Variants in MBOAT7 observed in about 807,000 individuals in gnomAD.
The protein encoded by MBOAT7 is membrane bound acylglycerophosphatidylinositol O-acyltransferase MBOAT7.
MBOAT7 carries 40 observed loss-of-function variants against 47.4 expected under a neutral mutation model. The ratio of observed to expected loss-of-function variants is 0.84; its 90% CI spans 0.66 to 1.10. The LOEUF is 1.10. MBOAT7 is among the 50% of genes least tolerant of loss of function. The pLI, the probability that MBOAT7 is intolerant of heterozygous loss-of-function variation, is 0.00. For synonymous variants in MBOAT7, 361 were observed against 292.0 expected, an observed-to-expected ratio of 1.24 and a Z score of -2.41; for missense variants, 680 against 655.6, an observed-to-expected ratio of 1.04 and a Z score of -0.41.
At position 54,183,698 on chromosome 19, in the gene MBOAT7, G is replaced by A. The variant is rs774016188; in HGVS notation, c.334-18C>T. On this transcript the variant is annotated intron_variant, in intron 4 of 7. Coordinates refer to ENST00000245615, the MANE Select transcript of MBOAT7 (RefSeq NM_024298.5). Reference sequence around the variant, plus strand: ...CTCACCAGCTGGGCAGAAGGGGGTGGGCAAGGGGCCAGGTCAGACTCTGGG... The same window carrying A: ...CTCACCAGCTGGGCAGAAGGGGGTGAGCAAGGGGCCAGGTCAGACTCTGGG... 5 of 1,530,576 alleles carry A rather than the reference G, an allele frequency of 3.3e-6. No individual in the cohort carries two copies. In the Admixed American group the frequency reaches 1.1e-4, roughly 33 times the overall value. The allele number at this position is 1,530,576 out of a possible 1,614,324, so 94.8% of individuals were successfully genotyped here.
At chr19:54,188,936 A>C in intron 1 of MBOAT7, among the ~76,000 whole-genome samples, 1 of 149,596 alleles carries the variant, frequency 6.7e-6, no homozygotes. Flanking sequence ...AGGAATCTAG[A>C]CCTCCGAGCC....
At chr19:54,188,619 G>A (rs935408921) in intron 1 of MBOAT7, 108 bp from the exon 2 acceptor site, 12 of 1,036,914 alleles carry the variant, frequency 1.2e-5, no homozygotes, top group South Asian at 1.6e-5. Flanking sequence ...AGTTTTTGAG[G>A]ATGATGGAGT....
At chr19:54,175,358 C>T (rs1449273447) in intron 7 of MBOAT7, among the ~76,000 whole-genome samples, 1 of 152,108 alleles carries the variant, frequency 6.6e-6, no homozygotes, top group Non-Finnish European at 1.5e-5. Flanking sequence ...AATCCTTGTC[C>T]CCACCCCTTT....
In MBOAT7 at chr19:54,180,419, C is replaced by T. The variant is rs117682711; in HGVS notation, c.854+354G>A. The T allele has an allele frequency of 8.2e-4, 179 of 217,150 alleles. 2 individuals carry two copies. In the East Asian group the frequency reaches 0.016, roughly 19 times the overall value. The allele number at this position is 217,150 out of a possible 1,614,324, so 13.5% of individuals were successfully genotyped here. A position where few individuals can be genotyped will look rare whatever the true frequency, so the allele number is the denominator to read the frequency against. On this transcript the variant is annotated intron_variant, in intron 6 of 7. Coordinates refer to ENST00000245615, the MANE Select transcript of MBOAT7 (RefSeq NM_024298.5). This position sits in a 1 kb window ranked among gnomAD's most constrained non-coding sequence, Gnocchi z 5.2. Reference sequence around the variant, plus strand: ...GCAACAGAGGGTGACCCACCACTAGCAAAGGATGGCATCCCCAGCAAGCAG... The same window carrying T: ...GCAACAGAGGGTGACCCACCACTAGTAAAGGATGGCATCCCCAGCAAGCAG...
chr19:54,183,599 T>TG lies in MBOAT7; in HGVS notation c.414dup (p.Thr139HisfsTer157). ...GGCACGTCGGGCAGCAGCCCCAGGG[T>TG]GGGCCCCTTGCTGAAGCCTGAGGCC... On this transcript the variant is annotated frameshift_variant, in exon 5 of 8. Transcript: ENST00000245615. LOFTEE classifies it high-confidence loss of function. The TG allele has an allele frequency of 6.2e-7, 1 of 1,608,274 alleles. No individual in the cohort carries two copies. Among genetic ancestry groups the TG allele is most frequent in the Non-Finnish European group, 8.5e-7 (1 of 1,177,532 alleles).
In MBOAT7 at chr19:54,178,839, G is replaced by A. The variant is rs1600643691; in HGVS notation, c.957C>T (p.Tyr319=). 6.2e-7 allele frequency: 1 copy of A among 1,613,692 alleles called. No homozygotes were observed. The highest frequency in any genetic ancestry group is 8.5e-7 in the Non-Finnish European group (1 of 1,180,022). ...FCVRVRDGMR[Y]WNMTVQWWLA... is the part of the protein sequence containing the mutation. ...GCCACCACTGCACCGTCATGTTCCA[G>A]TACCGCATGCCATCGCGCACCCGCA... Residue 319 remains tyrosine, a synonymous_variant, in exon 7 of 8, where the codon TAC becomes TAT. Coordinates refer to ENST00000245615, the MANE Select transcript of MBOAT7 (RefSeq NM_024298.5).
In MBOAT7 at chr19:54,175,290, C is replaced by T. The variant is rs118013750; in HGVS notation, c.1032-859G>A. On this transcript the variant is annotated intron_variant, in intron 7 of 7. Coordinates refer to ENST00000245615, the MANE Select transcript of MBOAT7 (RefSeq NM_024298.5). The stretch of plus-strand genomic sequence containing the variant: ...ACCACACCCGGGCAGCCCGGTGGTT[C>T]TTAACCTGGGGTCCCAGGTCTGGCA... 6.6e-5 allele frequency among the ~76,000 whole-genome samples: 10 copies of T among 152,282 alleles called. No homozygotes were observed. In the East Asian group the frequency reaches 1.9e-3, roughly 29 times the overall value.
At chr19:54,183,294 A>G (rs1048021778) in intron 5 of MBOAT7, among the ~76,000 whole-genome samples, 3 of 152,230 alleles carry the variant, frequency 2.0e-5, no homozygotes, top group Non-Finnish European at 4.4e-5. Flanking sequence ...ATACGCTACA[A>G]GGAGAAGAGC....
chr19:54,188,413 G>T lies in MBOAT7; in HGVS notation c.76+20C>A. ...GGGTCCCCCCCCTTTATTTTCCACT[G>T]GGGAGGGAGCCTGACTCACCGGCTT... On this transcript the variant is annotated intron_variant, in intron 2 of 7. Coordinates refer to ENST00000245615, the MANE Select transcript of MBOAT7 (RefSeq NM_024298.5). The T allele has an allele frequency of 6.4e-7, 1 of 1,573,916 alleles. No homozygotes were observed. The highest frequency in any genetic ancestry group is 8.6e-7 in the Non-Finnish European group (1 of 1,158,604).
intron 3 of MBOAT7, among the ~76,000 whole-genome samples, 160 bp downstream of exon 3, chr19:54,188,057 G>A (rs1314058553): frequency 1.9e-5 from 1 of 53,558 alleles, no homozygotes; most frequent in South Asian, 5.8e-4. Context: ...AAGAAAGAAA[G>A]AAAGAAAGAA....
Position 54,173,867 on chromosome 19 carries a change from G to GC in MBOAT7, c.*176dup. On this transcript the variant is annotated 3_prime_UTR_variant, in exon 8 of 8. Transcript: ENST00000245615. ...TTGTAGGAGTGGAGGTGGCCTCTGG[G>GC]CAGAGGGCAGGGAGGACACCCCCGG... 1.4e-6 allele frequency: 1 copy of GC among 691,756 alleles called. No homozygotes were observed. Among genetic ancestry groups the GC allele is most frequent in the East Asian group, 3.1e-5 (1 of 31,942 alleles). 42.9% of individuals were successfully genotyped at this position (691,756 alleles called of 1,614,324 possible). A position where few individuals can be genotyped will look rare whatever the true frequency, so the allele number is the denominator to read the frequency against.
intron 4 of MBOAT7, among the ~76,000 whole-genome samples, chr19:54,185,584 A>G (rs1390204107): frequency 6.6e-6 from 1 of 152,156 alleles, no homozygotes; most frequent in Non-Finnish European, 1.5e-5. Context: ...AAGCCACCAC[A>G]GTTTGTCACC....
At chr19:54,187,788 T>C (rs574523003) in intron 3 of MBOAT7, among the ~76,000 whole-genome samples, 4 of 152,038 alleles carry the variant, frequency 2.6e-5, no homozygotes, top group African/African-American at 9.7e-5. Flanking sequence ...AAGGCTGAGG[T>C]GGGCAGATCA....
intron 4 of MBOAT7, among the ~76,000 whole-genome samples, chr19:54,185,439 C>G (rs254281): frequency 0.21 from 31,368 of 151,942 alleles, 3,621 homozygotes; most frequent in East Asian, 0.52. Flanking sequence ...CTCCTTCTGC[C>G]GGGCTGGGGT....
rs1343492373 is a variant in MBOAT7 at position 54,188,470 on chromosome 19, A to G, written c.39T>C (p.Leu13=). 2 of 1,555,752 alleles carry G rather than the reference A, an allele frequency of 1.3e-6. No homozygotes were observed. Among genetic ancestry groups the G allele is most frequent in the East Asian group, 2.4e-5 (1 of 41,356 alleles). Residue 13 remains leucine, a synonymous_variant, in exon 2 of 8, where the codon CTT becomes CTC. Transcript: ENST00000245615. ...AGAGGAAGCCGATGGGGATGGAGAT[A>G]AGAAGAACCACTAGATACGTCCATT... ...PEEWTYLVVL[L]ISIPIGFLFK... is the part of the protein sequence containing the mutation.
rs769080314 is a variant in MBOAT7, at chr19:54,174,169, A to C, written c.1294T>G (p.Cys432Gly). The C allele has an allele frequency of 2.1e-5, 33 of 1,600,208 alleles. No homozygotes were observed. Among genetic ancestry groups the C allele is most frequent in the Non-Finnish European group, 2.8e-5 (33 of 1,173,302 alleles). ...TLRYWASIYF[C>G]IHFLALAALG... ...GCTGCCAGGGCCAGGAAGTGGATAC[A>C]GAAGTAGATGGAGGCCCAGTACCGA... Residue 432 changes from cysteine (C) to glycine (G), a missense_variant, in exon 8 of 8, where the codon TGT becomes GGT. Coordinates refer to ENST00000245615, the MANE Select transcript of MBOAT7 (RefSeq NM_024298.5).
At chr19:54,183,396 C>A in intron 5 of MBOAT7, 125 bp downstream of exon 5, 1 of 1,142,828 alleles carries the variant, frequency 8.8e-7, no homozygotes, top group South Asian at 1.5e-5. Flanking sequence ...CACATGCCCA[C>A]CCTCACAGCA....
chr19:54,174,144 G>C lies in MBOAT7; in HGVS notation c.1319C>G (p.Ala440Gly), dbSNP rs2076001578. The C allele has an allele frequency of 6.3e-7, 1 of 1,599,036 alleles. No homozygotes were observed. The highest frequency in any genetic ancestry group is 8.5e-7 in the Non-Finnish European group (1 of 1,173,636). ...YFCIHFLALA[A>G]LGLGLALGGG... ...ACCTAAAGCCAGCCCCAGCCCCAGG[G>C]CTGCCAGGGCCAGGAAGTGGATACA... is the stretch of plus-strand genomic sequence containing the variant. The change falls in exon 8 of 8, where the codon GCC becomes GGC. Residue 440 changes from alanine (A) to glycine (G), a missense_variant. By Grantham distance (60) the Ala-to-Gly change is moderately conservative. Transcript: ENST00000245615.
rs769080314 is a variant in MBOAT7, at chr19:54,174,169, A to G, written c.1294T>C (p.Cys432Arg). The G allele has an allele frequency of 6.2e-7, 1 of 1,600,326 alleles. No individual in the cohort carries two copies. The highest frequency in any genetic ancestry group is 8.5e-7 in the Non-Finnish European group (1 of 1,173,294). The change falls in exon 8 of 8, where the codon TGT becomes CGT. Residue 432 changes from cysteine to arginine, a missense_variant. Transcript: ENST00000245615. The part of the protein sequence containing the change: ...TLRYWASIYF[C>R]IHFLALAALG... ...GCTGCCAGGGCCAGGAAGTGGATACAGAAGTAGATGGAGGCCCAGTACCGA... is the reference window on the plus strand; with the variant it reads ...GCTGCCAGGGCCAGGAAGTGGATACGGAAGTAGATGGAGGCCCAGTACCGA...
Sources: gnomAD v4.1 joint callset for allele counts (sites outside exome capture counted in the v4.1 genomes callset) on GRCh38, gnomAD v4.1.1 for gene constraint, Gnocchi (gnomAD v3.1) non-coding constraint, MANE v1.5 for transcripts, NCBI Gene and HGNC (gene_info 2026-07-23, HGNC 2026-07-21) for gene names.